The following LAP3 variants were observed in gnomAD, a reference collection of about 807,000 sequenced individuals.
LAP3 encodes the protein leucine aminopeptidase 3.
LAP3 carries 46 observed loss-of-function variants against 58.8 expected under a neutral mutation model. The ratio of observed to expected loss-of-function variants is 0.78; its 90% CI spans 0.62 to 1.00. The LOEUF (loss-of-function observed/expected upper bound fraction) is 1.00. Ranked by LOEUF, LAP3 falls within the 50% of genes least tolerant of loss-of-function variation. LAP3 has a pLI of 0.00. For synonymous variants in LAP3, 257 were observed against 237.7 expected, an observed-to-expected ratio of 1.08 and a Z score of -0.75; for missense variants, 615 against 659.1, an observed-to-expected ratio of 0.93 and a Z score of 0.73.
In LAP3 at chr4:17,597,084, G is replaced by T; in HGVS notation, c.1027G>T (p.Ala343Ser). The change falls in exon 9 of 13, where the codon GCC becomes TCC. Residue 343 changes from alanine (A) to serine (S), a missense_variant. Coordinates refer to ENST00000226299, the MANE Select transcript of LAP3 (RefSeq NM_015907.3). ...PLCENMPSGK[A>S]NKPGDVVRAK... is the part of the protein sequence containing the mutation. ...TTGTGAAAATATGCCCAGCGGCAAG[G>T]CCAACAAGCCGGGGGATGTTGTTAG... is the stretch of plus-strand genomic sequence containing the variant. The T allele has an allele frequency of 6.2e-7, 1 of 1,614,222 alleles. No individual in the cohort carries two copies. Among genetic ancestry groups the T allele is most frequent in the Non-Finnish European group, 8.5e-7 (1 of 1,180,030 alleles).
intron 10 of LAP3, among the ~76,000 whole-genome samples, chr4:17,604,270 CAAA>C (rs1188734524): frequency 2.0e-4 from 10 of 51,088 alleles, no homozygotes; most frequent in Admixed American, 7.1e-4. Flanking sequence ...AGACCTTTCT[CAAA>C]AAAAAAAAAA....
chr4:17,597,216 C>T (rs1317479301), intron 9 of LAP3, 82 bp downstream of exon 9: 17 of 1,116,800 alleles, frequency 1.5e-5, no homozygotes, highest in East Asian at 2.4e-5. Context: ...AGCTAGGATG[C>T]GTGCAGAGCC....
chr4:17,588,812 C>T lies in LAP3; in HGVS notation c.705-7C>T, dbSNP rs370759787. Reference sequence around the variant, plus strand: ...ATATTTACTTTTTCCCTCTTTCTACCCTATAGACCCAAGTCTTGGATTGAG... The same window carrying T: ...ATATTTACTTTTTCCCTCTTTCTACTCTATAGACCCAAGTCTTGGATTGAG... On this transcript the variant is annotated splice_polypyrimidine_tract_variant and splice_region_variant and intron_variant, in intron 6 of 12. Transcript: ENST00000226299. 4 of 1,606,740 alleles carry T rather than the reference C, an allele frequency of 2.5e-6. No homozygotes were observed. Among genetic ancestry groups the T allele is most frequent in the East Asian group, 4.5e-5 (2 of 44,762 alleles).
intron 10 of LAP3, among the ~76,000 whole-genome samples, chr4:17,602,121 T>G (rs1344474392): frequency 6.6e-6 from 1 of 152,212 alleles, no homozygotes; most frequent in African/African-American, 2.4e-5. Flanking sequence ...CAGTGCTGCC[T>G]CCTCTGACAT....
chr4:17,597,105 GT>G lies in LAP3; in HGVS notation c.1050del (p.Arg351GlufsTer42). Reference sequence around the variant, plus strand: ...CAAGGCCAACAAGCCGGGGGATGTTGTTAGAGCCAAAAACGGGAAGACCATC... The same window carrying G: ...CAAGGCCAACAAGCCGGGGGATGTTGTAGAGCCAAAAACGGGAAGACCATC... The part of the protein sequence containing the change: ...SGKANKPGDV[V>X]RAKNGKTIQV... On this transcript the variant is annotated frameshift_variant, in exon 9 of 13. Coordinates refer to ENST00000226299, the MANE Select transcript of LAP3 (RefSeq NM_015907.3). LOFTEE classifies it high-confidence loss of function. The G allele has an allele frequency of 6.2e-7, 1 of 1,614,220 alleles. No individual in the cohort carries two copies. The highest frequency in any genetic ancestry group is 8.5e-7 in the Non-Finnish European group (1 of 1,180,030).
chr4:17,599,788 C>T (rs1277610307), intron 10 of LAP3, among the ~76,000 whole-genome samples: 2 of 151,044 alleles, frequency 1.3e-5, no homozygotes, highest in African/African-American at 2.4e-5. Flanking sequence ...GCAGGATTCT[C>T]ATTTAACAAG....
rs1448843362 is a variant in LAP3 at position 17,577,497 on chromosome 4, G to T, written c.32G>T (p.Arg11Leu). The change falls in exon 1 of 13, where the codon CGA becomes CTA. Residue 11 changes from arginine to leucine, a missense_variant. Transcript: ENST00000226299. MFLLPLPAAG[R>L]VVVRRLAVRR... ...TTGCTGCCTCTTCCGGCTGCGGGGC[G>T]AGTAGTCGTCCGACGTCTGGCCGTG... The T allele has an allele frequency of 6.3e-7, 1 of 1,584,800 alleles. No individual in the cohort carries two copies. The highest frequency in any genetic ancestry group is 8.6e-7 in the Non-Finnish European group (1 of 1,167,318).
chr4:17,597,409 T>C (rs1461854260), intron 9 of LAP3, among the ~76,000 whole-genome samples: 1 of 152,218 alleles, frequency 6.6e-6, no homozygotes, highest in African/African-American at 2.4e-5. Flanking sequence ...CCTGAGTAGC[T>C]GGGACCACAG....
At position 17,607,421 on chromosome 4, in the gene LAP3, T is replaced by G; in HGVS notation, c.1392T>G (p.Ala464=). The change falls in exon 13 of 13, where the codon GCT becomes GCG. Residue 464 remains alanine, a synonymous_variant. Transcript: ENST00000226299. ...TCAGATCTGCAGGAGCATGTACAGCTGCAGCATTCCTGAAAGAATTCGTAA... is the reference window on the plus strand; with the variant it reads ...TCAGATCTGCAGGAGCATGTACAGCGGCAGCATTCCTGAAAGAATTCGTAA... ...GKYRSAGACT[A]AAFLKEFVTH... The G allele has an allele frequency of 6.2e-7, 1 of 1,613,728 alleles. No individual in the cohort carries two copies. Among genetic ancestry groups the G allele is most frequent in the Non-Finnish European group, 8.5e-7 (1 of 1,179,920 alleles).
chr4:17,581,690 T>C, intron 2 of LAP3, 70 bp from the exon 3 acceptor site: 4 of 1,165,658 alleles, frequency 3.4e-6, no homozygotes, highest in Admixed American at 1.7e-5. Flanking sequence ...ATGCCGAGTA[T>C]GTAAGTGTGC....
rs1389031977 is a variant in LAP3 at position 17,584,966 on chromosome 4, T to A, written c.540-6T>A. On this transcript the variant is annotated splice_region_variant and splice_polypyrimidine_tract_variant and intron_variant, in intron 5 of 12. Transcript: ENST00000226299. ...TTTGACAGTCACTTTATCTTTCTTC[T>A]GCCAGTGGGGATCAGGAGGCCTGGC... 6.2e-7 allele frequency: 1 copy of A among 1,612,884 alleles called. No homozygotes were observed. The highest frequency in any genetic ancestry group is 1.3e-5 in the African/African-American group (1 of 74,884).
chr4:17,597,208 C>A, intron 9 of LAP3, 74 bp downstream of exon 9: 1 of 1,226,330 alleles, frequency 8.2e-7, no homozygotes, highest in Non-Finnish European at 1.2e-6. Context: ...ATAACCACAG[C>A]TAGGATGCGT....
At chr4:17,581,686 A>G (rs1474431751) in intron 2 of LAP3, 74 bp from the exon 3 acceptor site, 44 of 1,074,970 alleles carry the variant, frequency 4.1e-5, no homozygotes, top group Middle Eastern at 4.0e-4. Context: ...GATAATGCCG[A>G]GTATGTAAGT....
At chr4:17,589,032 T>C in intron 7 of LAP3, 55 bp downstream of exon 7, 1 of 1,567,072 alleles carries the variant, frequency 6.4e-7, no homozygotes, top group Admixed American at 1.9e-5. Context: ...GTGTGCAGTT[T>C]AATTACTTGG....
chr4:17,596,325 A>G (rs1002224162), intron 8 of LAP3, among the ~76,000 whole-genome samples: 10 of 151,972 alleles, frequency 6.6e-5, no homozygotes, highest in Non-Finnish European at 8.8e-5. Flanking sequence ...ATTTATTTAT[A>G]TTTAGGTTTT....
chr4:17,606,618 G>A (rs1342272415), intron 11 of LAP3, among the ~76,000 whole-genome samples: 3 of 152,222 alleles, frequency 2.0e-5, no homozygotes, highest in Non-Finnish European at 2.9e-5. Flanking sequence ...GATTATAGGC[G>A]TGAGCCACTG....
chr4:17,583,403 C>T (rs951898651), intron 4 of LAP3, 80 bp from the exon 5 acceptor site: 51 of 1,503,678 alleles, frequency 3.4e-5, no homozygotes, highest in Middle Eastern at 2.4e-4. Flanking sequence ...TTTCTCAGCA[C>T]ATCACATCAT....
At chr4:17,578,886 G>A (rs1257996508) in intron 1 of LAP3, among the ~76,000 whole-genome samples, 1 of 152,138 alleles carries the variant, frequency 6.6e-6, no homozygotes, top group Non-Finnish European at 1.5e-5. Flanking sequence ...GGGAGGCACA[G>A]CCATTGGCTT....
rs200387352 is a variant in LAP3, at chr4:17,607,605, A to G, written c.*16A>G. 137 of 1,582,212 alleles carry G rather than the reference A, an allele frequency of 8.7e-5. No homozygotes were observed. The highest frequency in any genetic ancestry group is 1.1e-4 in the Non-Finnish European group (127 of 1,164,010). On this transcript the variant is annotated 3_prime_UTR_variant, in exon 13 of 13. Transcript: ENST00000226299. ...CAATGCTTAGTTCAGATACTCAAAA[A>G]TGTCTTCACTCTGTCTTAAATTGGA...
Sources: allele counts gnomAD v4.1 joint callset (sites outside exome capture counted in the v4.1 genomes callset), GRCh38; gene constraint gnomAD v4.1.1; transcripts MANE v1.5; gene names NCBI Gene and HGNC (gene_info 2026-07-23, HGNC 2026-07-21).